Variants in DUS2 observed in about 807,000 individuals in gnomAD.
DUS2 encodes the protein tRNA-dihydrouridine(20) synthase [NAD(P)+]-like.
Under a neutral mutation model 71.3 loss-of-function variants are expected in DUS2, and 52 were observed. That is an observed-to-expected ratio of 0.73 (90% CI 0.58 to 0.92). The LOEUF (loss-of-function observed/expected upper bound fraction) is 0.92, where lower values mean the gene tolerates loss of function less well. DUS2 is among the 40% of genes least tolerant of loss of function. The probability of loss-of-function intolerance (pLI) is 0.00; values close to 1 mark genes in which losing one functional copy is unlikely to be tolerated. For synonymous variants in DUS2, 204 were observed against 227.8 expected (o/e 0.90, Z 0.94); for missense variants, 558 against 622.6 (o/e 0.90, Z 1.10).
intron 7 of DUS2, among the ~76,000 whole-genome samples, chr16:68,057,228 A>G (rs2033872177): frequency 6.9e-6 from 1 of 144,252 alleles, no homozygotes; most frequent in Non-Finnish European, 1.5e-5. Flanking sequence ...GTGTATGTGT[A>G]TAGATACATA....
At chr16:68,074,797 C>A (rs1361464952) in intron 13 of DUS2, among the ~76,000 whole-genome samples, 3 of 152,224 alleles carry the variant, frequency 2.0e-5, no homozygotes, top group Non-Finnish European at 4.4e-5. Context: ...GTCTTCCAGC[C>A]TTCAAGATGT....
chr16:68,054,522 G>A, intron 5 of DUS2, 52 bp from the exon 6 acceptor site: 1 of 1,602,938 alleles, frequency 6.2e-7, no homozygotes. Context: ...GTTTGTCAGT[G>A]CATGTGTATC....
chr16:68,056,381 G>T lies in DUS2; in HGVS notation c.326G>T (p.Gly109Val), dbSNP rs144136215. 6.2e-7 allele frequency: 1 copy of T among 1,613,648 alleles called. No individual in the cohort carries two copies. The highest frequency in any genetic ancestry group is 8.5e-7 in the Non-Finnish European group (1 of 1,179,830). ...VARLVENDVA[G>V]IDVNMGCPKQ... ...TTTTCCAGAGAAAATGATGTGGCTG[G>T]TATTGATGTCAACATGGGCTGTCCA... is the stretch of plus-strand genomic sequence containing the variant. The change falls in exon 7 of 17, where the codon GGT becomes GTT. Residue 109 changes from glycine (G) to valine (V), a missense_variant. Transcript: ENST00000565263.
chr16:68,057,052 A>ATATT (rs548154452), intron 7 of DUS2, among the ~76,000 whole-genome samples: 19,382 of 137,918 alleles, frequency 0.14, 1,467 homozygotes, highest in South Asian at 0.19. Flanking sequence ...ATATATTTAT[A>ATATT]TATATATGTA....
chr16:68,078,894 A>G lies in DUS2; in HGVS notation c.1390A>G (p.Arg464Gly). The change falls in exon 17 of 17, where the codon AGA becomes GGA. Residue 464 changes from arginine to glycine, a missense_variant. Arg to Gly is a moderately radical substitution (Grantham distance 125, BLOSUM62 -2). Coordinates refer to ENST00000565263, the MANE Select transcript of DUS2 (RefSeq NM_017803.5). ...TCCTGACCAAGACCCTGGGGGCCCC[A>G]GAGCTCAGGAGCTAGCACAACCTGG... Reference protein sequence around the residue: ...EAPDQDPGGPRAQELAQPGDL... With the variant: ...EAPDQDPGGPGAQELAQPGDL... 2.5e-6 allele frequency: 4 copies of G among 1,613,162 alleles called. No homozygotes were observed. In the African/African-American group the frequency reaches 5.3e-5, roughly 21 times the overall value.
chr16:68,077,696 G>A (rs888159253), intron 15 of DUS2, among the ~76,000 whole-genome samples: 2 of 152,212 alleles, frequency 1.3e-5, no homozygotes, highest in African/African-American at 2.4e-5. Flanking sequence ...GCCCAGACAT[G>A]TTTTTGGATC....
intron 3 of DUS2, among the ~76,000 whole-genome samples, chr16:68,042,431 T>C (rs1475670868): frequency 1.3e-5 from 2 of 152,198 alleles, no homozygotes; most frequent in Admixed American, 6.5e-5. Context: ...TTGAGGACCC[T>C]CCATTCTGTT....
intron 12 of DUS2, among the ~76,000 whole-genome samples, chr16:68,072,619 C>T (rs1455354210): frequency 6.6e-6 from 1 of 152,224 alleles, no homozygotes; most frequent in East Asian, 1.9e-4. Flanking sequence ...CCCCGACTTA[C>T]TTCCCACTTT....
At chr16:68,043,884 T>C (rs768538689) in intron 3 of DUS2, among the ~76,000 whole-genome samples, 7 of 152,082 alleles carry the variant, frequency 4.6e-5, no homozygotes, top group East Asian at 1.9e-4. Flanking sequence ...GGGCTTGTAT[T>C]GAACTCCTGG....
chr16:68,057,538 G>C (rs1236210724), intron 7 of DUS2, among the ~76,000 whole-genome samples: 2 of 151,674 alleles, frequency 1.3e-5, no homozygotes, highest in African/African-American at 2.4e-5. Context: ...ATTGAGATGA[G>C]TCTGGGCAAC....
At chr16:68,046,194 C>T (rs1361573852) in intron 3 of DUS2, among the ~76,000 whole-genome samples, 2 of 152,124 alleles carry the variant, frequency 1.3e-5, no homozygotes, top group South Asian at 4.1e-4. Flanking sequence ...CCCTTGCCTC[C>T]TCTCTGCTTC....
intron 2 of DUS2, among the ~76,000 whole-genome samples, chr16:68,029,275 A>T (rs1002985662): frequency 6.6e-6 from 1 of 151,010 alleles, no homozygotes; most frequent in Non-Finnish European, 1.5e-5. Flanking sequence ...TGTCATGTGC[A>T]TGTATTTTGT....
At chr16:68,070,794 T>C (rs1221119039) in intron 11 of DUS2, 146 bp from the exon 12 acceptor site, 7 of 747,042 alleles carry the variant, frequency 9.4e-6, no homozygotes, top group African/African-American at 7.1e-5. Context: ...TGGATTCTAA[T>C]ATCCACTTTA....
chr16:68,038,729 C>CA (rs576577769), intron 3 of DUS2, among the ~76,000 whole-genome samples: 23,067 of 103,392 alleles, frequency 0.22, 2,417 homozygotes, highest in African/African-American at 0.34. Flanking sequence ...GACTCCATCT[C>CA]AAAAAAAAAA....
intron 13 of DUS2, 89 bp from the exon 14 acceptor site, chr16:68,075,266 T>G: frequency 2.3e-6 from 3 of 1,314,142 alleles, no homozygotes; most frequent in South Asian, 1.8e-5. Flanking sequence ...GGTAGAGGAG[T>G]TTCTCAGTGG....
At chr16:68,026,494 G>A (rs1448608285) in intron 2 of DUS2, among the ~76,000 whole-genome samples, 2 of 152,110 alleles carry the variant, frequency 1.3e-5, no homozygotes, top group Non-Finnish European at 1.5e-5. Flanking sequence ...TAGTATTCCT[G>A]GACCCTTTGA....
At chr16:68,031,716 A>G (rs2033441375) in intron 2 of DUS2, among the ~76,000 whole-genome samples, 1 of 151,600 alleles carries the variant, frequency 6.6e-6, no homozygotes, top group Non-Finnish European at 1.5e-5. Context: ...ATTTTTTGAG[A>G]TGGAATCTCA....
chr16:68,053,256 C>T (rs907743964), intron 4 of DUS2, among the ~76,000 whole-genome samples: 4 of 152,170 alleles, frequency 2.6e-5, no homozygotes, highest in East Asian at 1.9e-4. Context: ...CCACCATACC[C>T]GGCCCGGTTT....
intron 12 of DUS2, among the ~76,000 whole-genome samples, chr16:68,072,248 G>A (rs192500788): frequency 6.6e-6 from 1 of 152,312 alleles, no homozygotes; most frequent in East Asian, 1.9e-4. Flanking sequence ...CCTGTTCAAT[G>A]CTGCAGCCCT....
Sources: allele counts gnomAD v4.1 joint callset (sites outside exome capture counted in the v4.1 genomes callset), GRCh38; gene constraint gnomAD v4.1.1; transcripts MANE v1.5; gene names NCBI Gene and HGNC (gene_info 2026-07-23, HGNC 2026-07-21).